The following NOS1 variants were observed in gnomAD, a reference collection of about 807,000 sequenced individuals.
NOS1 encodes NOS type I.
Under a neutral mutation model 164.5 loss-of-function variants are expected in NOS1, and 51 were observed. The observed-to-expected ratio is 0.31, with a 90% CI of 0.25 to 0.39. The LOEUF is 0.39. NOS1 is among the 10% of genes least tolerant of loss of function. The pLI is 1.00. For synonymous variants in NOS1, 719 were observed against 745.8 expected, an observed-to-expected ratio of 0.96 and a Z score of 0.59; for missense variants, 1,362 against 1,885.6, an observed-to-expected ratio of 0.72 and a Z score of 5.14.
At chr12:117,271,923 A>C (rs1462367735) in intron 10 of NOS1, among the ~76,000 whole-genome samples, 1 of 152,154 alleles carries the variant, frequency 6.6e-6, no homozygotes, top group Non-Finnish European at 1.5e-5. Flanking sequence ...AAAAGACACT[A>C]AATATGTCCC....
rs1021381599 is a variant in NOS1 at position 117,214,880 on chromosome 12, C to T, written c.*429G>A. On this transcript the variant is annotated 3_prime_UTR_variant, in exon 29 of 29. Transcript: ENST00000317775. ...ACACACACACACAGGCACGCACAAC[C>T]AAAATGTCATCATAAAAAAGGAGAA... is the stretch of plus-strand genomic sequence containing the variant. 1.0e-6 allele frequency: 1 copy of T among 993,104 alleles called. No homozygotes were observed. Among genetic ancestry groups the T allele is most frequent in the Non-Finnish European group, 1.2e-6 (1 of 835,606 alleles). 61.5% of individuals were successfully genotyped at this position (993,104 alleles called of 1,614,324 possible).
Position 117,263,961 on chromosome 12 carries a change from T to C in NOS1, c.2150A>G (p.Asn717Ser). The change falls in exon 13 of 29, where the codon AAC becomes AGC. Residue 717 changes from asparagine (N) to serine (S), a missense_variant. This residue lies in a region of NOS1 where 737 missense variants were observed against 1,030.3 expected (regional missense o/e 0.72). Coordinates refer to ENST00000317775, the MANE Select transcript of NOS1 (RefSeq NM_000620.5). ...PSFEYQPDPW[N>S]THVWKGTNGT... ...GTTGGTGCCTTTCCAGACATGCGTG[T>C]TCCAGGGATCAGGCTGGGAAGAGAA... is the stretch of plus-strand genomic sequence containing the variant. The C allele has an allele frequency of 6.2e-7, 1 of 1,613,662 alleles. No individual in the cohort carries two copies. Among genetic ancestry groups the C allele is most frequent in the Non-Finnish European group, 8.5e-7 (1 of 1,179,722 alleles).
chr12:117,261,470 T>C (rs1376777934), intron 13 of NOS1, among the ~76,000 whole-genome samples: 2 of 152,032 alleles, frequency 1.3e-5, no homozygotes, highest in Non-Finnish European at 2.9e-5. Flanking sequence ...TGTGTGTGTA[T>C]GCACATGTGT....
Position 117,209,546 on chromosome 12 carries a change from G to C in NOS1, c.*5763C>G. 2 of 985,512 alleles carry C rather than the reference G, an allele frequency of 2.0e-6. No individual in the cohort carries two copies. Among genetic ancestry groups the C allele is most frequent in the Non-Finnish European group, 2.4e-6 (2 of 829,968 alleles). 61.0% of individuals were successfully genotyped at this position (985,512 alleles called of 1,614,324 possible). On this transcript the variant is annotated 3_prime_UTR_variant, in exon 29 of 29. Coordinates refer to ENST00000317775, the MANE Select transcript of NOS1 (RefSeq NM_000620.5). ...TGCCAGGGCCATCTCGTTAATAACGGACTGTGTTTTGGGCCAGACGGGCAT... is the reference window on the plus strand; with the variant it reads ...TGCCAGGGCCATCTCGTTAATAACGCACTGTGTTTTGGGCCAGACGGGCAT...
At chr12:117,257,857 T>A (rs1264039302) in intron 16 of NOS1, among the ~76,000 whole-genome samples, 1 of 146,322 alleles carries the variant, frequency 6.8e-6, no homozygotes, top group Non-Finnish European at 1.5e-5. Flanking sequence ...CAGGCTGGAG[T>A]GCAATGGTGC....
At chr12:117,336,549 G>A (rs1875831517) in intron 1 of NOS1, among the ~76,000 whole-genome samples, 1 of 152,078 alleles carries the variant, frequency 6.6e-6, no homozygotes, top group Non-Finnish European at 1.5e-5. Flanking sequence ...TAGTATGAGA[G>A]GTGATGGGTG....
At position 117,265,393 on chromosome 12, in the gene NOS1, G is replaced by C; in HGVS notation, c.2059C>G (p.Pro687Ala). 2 of 1,593,916 alleles carry C rather than the reference G, an allele frequency of 1.3e-6. No homozygotes were observed. Among genetic ancestry groups the C allele is most frequent in the South Asian group, 1.2e-5 (1 of 85,682 alleles). The change falls in exon 12 of 29, where the codon CCC (proline) becomes GCC (alanine). Residue 687 changes from proline to alanine, a missense_variant. By Grantham distance (27) the Pro-to-Ala change is conservative. This residue lies in a region of NOS1 where 737 missense variants were observed against 1,030.3 expected (regional missense o/e 0.72). Transcript: ENST00000317775. Reference sequence around the variant, plus strand: ...ACAGGGGTGATGCTTCCGGACATGGGGGGCACGATCCACACCCAGTCGGCA... The same window carrying C: ...ACAGGGGTGATGCTTCCGGACATGGCGGGCACGATCCACACCCAGTCGGCA... ...CPADWVWIVP[P>A]MSGSITPVFH...
chr12:117,258,069 C>T (rs1334397733), intron 16 of NOS1, among the ~76,000 whole-genome samples: 1 of 152,092 alleles, frequency 6.6e-6, no homozygotes, highest in Non-Finnish European at 1.5e-5. Flanking sequence ...TCCCAAAGTG[C>T]CGGGATTACA....
intron 3 of NOS1, among the ~76,000 whole-genome samples, chr12:117,306,795 T>C (rs1169622047): frequency 2.0e-5 from 3 of 152,180 alleles, no homozygotes; most frequent in Non-Finnish European, 4.4e-5. Flanking sequence ...AATTTTTGTA[T>C]TTTTAGTAGA....
intron 17 of NOS1, among the ~76,000 whole-genome samples, chr12:117,251,885 C>T (rs1047590727): frequency 1.3e-5 from 2 of 151,838 alleles, no homozygotes; most frequent in Non-Finnish European, 2.9e-5. Context: ...GTGCATGCCA[C>T]CATGCCCAGC....
intron 4 of NOS1, among the ~76,000 whole-genome samples, 175 bp from the exon 5 acceptor site, chr12:117,288,394 G>T (rs1872846639): frequency 6.6e-6 from 1 of 152,118 alleles, no homozygotes; most frequent in Non-Finnish European, 1.5e-5. Flanking sequence ...GTCATGTTAA[G>T]GAACAATAAG....
chr12:117,259,155 G>T, intron 14 of NOS1, 25 bp from the exon 15 acceptor site: 1 of 1,504,910 alleles, frequency 6.6e-7, no homozygotes, highest in Admixed American at 1.7e-5. Context: ...CACAGGTATA[G>T]GATGGGGAGA....
At chr12:117,358,331 CG>C (rs66945984) in intron 1 of NOS1, among the ~76,000 whole-genome samples, 22,512 of 151,602 alleles carry the variant, frequency 0.15, 2,056 homozygotes, top group Admixed American at 0.22. Flanking sequence ...ACAATACCCC[CG>C]CCCTCTCACT....
At chr12:117,280,682 A>G in intron 8 of NOS1, 43 bp downstream of exon 8, 1 of 1,508,280 alleles carries the variant, frequency 6.6e-7, no homozygotes. Context: ...TGGGGACATA[A>G]GAGCCCATGT....
At chr12:117,256,883 C>G (rs1566042855) in intron 16 of NOS1, among the ~76,000 whole-genome samples, 1 of 151,732 alleles carries the variant, frequency 6.6e-6, no homozygotes, top group Non-Finnish European at 1.5e-5. Flanking sequence ...ACCAGCCTGG[C>G]AAACATGGTG....
rs905476763 is a variant in NOS1 at position 117,247,607 on chromosome 12, C to T, written c.2649-85G>A. On this transcript the variant is annotated intron_variant, in intron 17 of 28. Transcript: ENST00000317775. The stretch of plus-strand genomic sequence containing the variant: ...TGGTGTAATGGGCTAAACTGTGTCC[C>T]CCCAAATTTCATATATTAAAACTCT... The T allele has an allele frequency of 2.1e-5, 26 of 1,220,430 alleles. No homozygotes were observed. In the African/African-American group the frequency reaches 3.9e-4, roughly 18 times the overall value. 75.6% of individuals were successfully genotyped at this position (1,220,430 alleles called of 1,614,324 possible).
At chr12:117,273,918 T>G (rs1287880645) in intron 9 of NOS1, among the ~76,000 whole-genome samples, 1 of 149,004 alleles carries the variant, frequency 6.7e-6, no homozygotes, top group Admixed American at 6.7e-5. Flanking sequence ...AAAGATTTTA[T>G]GAATAAGACC....
chr12:117,341,095 T>C (rs1876090736), intron 1 of NOS1, among the ~76,000 whole-genome samples: 1 of 152,100 alleles, frequency 6.6e-6, no homozygotes, highest in Non-Finnish European at 1.5e-5. Flanking sequence ...TGGATCCTTT[T>C]ACCACCACTA....
intron 17 of NOS1, among the ~76,000 whole-genome samples, chr12:117,250,248 C>G (rs531205204): frequency 6.6e-6 from 1 of 151,974 alleles, no homozygotes; most frequent in Non-Finnish European, 1.5e-5. Context: ...TCTTCCTCTT[C>G]TTCCTTGCCC....
Sources: allele counts gnomAD v4.1 joint callset (sites outside exome capture counted in the v4.1 genomes callset), GRCh38; gene constraint gnomAD v4.1.1; regional missense constraint gnomAD v4.1.1; transcripts MANE v1.5; gene names NCBI Gene and HGNC (gene_info 2026-07-23, HGNC 2026-07-21).